The following CEP112 variants were observed in gnomAD, a reference collection of about 807,000 sequenced individuals.
CEP112 encodes centrosomal protein of 112 kDa.
In CEP112, 127 loss-of-function variants were observed where a neutral mutation model predicts 153.0. The ratio of observed to expected loss-of-function variants is 0.83; its 90% CI spans 0.72 to 0.96. CEP112 has a LOEUF of 0.96. CEP112 is among the 40% of genes least tolerant of loss of function. The probability of loss-of-function intolerance (pLI) is 0.00; values close to 1 mark genes in which losing one functional copy is unlikely to be tolerated. For synonymous variants in CEP112, 358 were observed against 374.4 expected, an observed-to-expected ratio of 0.96 and a Z score of 0.51; for missense variants, 1,089 against 1,101.2, an observed-to-expected ratio of 0.99 and a Z score of 0.16.
chr17:65,690,739 G>A (rs887617545), intron 23 of CEP112, among the ~76,000 whole-genome samples: 1 of 152,208 alleles, frequency 6.6e-6, no homozygotes, highest in Non-Finnish European at 1.5e-5. Flanking sequence ...GTATGTTTGT[G>A]GAAGCCATAA....
chr17:66,163,991 G>T lies in CEP112; in HGVS notation c.470+11053C>A, dbSNP rs545512619. ...ACTGGGGGAGAAAAAAGCCTAAATGGCCCAAGGACCATTATTTTCAAAGCT... is the reference window on the plus strand; with the variant it reads ...ACTGGGGGAGAAAAAAGCCTAAATGTCCCAAGGACCATTATTTTCAAAGCT... On this transcript the variant is annotated intron_variant, in intron 4 of 26. Transcript: ENST00000535342. Among the ~76,000 whole-genome samples the T allele has an allele frequency of 4.6e-5, 7 of 152,200 alleles. 1 individual carries two copies. The highest frequency in any genetic ancestry group is 4.6e-4 in the Admixed American group (7 of 15,278).
intron 12 of CEP112, among the ~76,000 whole-genome samples, chr17:66,035,475 T>C (rs1352933520): frequency 6.6e-6 from 1 of 152,104 alleles, no homozygotes; most frequent in Non-Finnish European, 1.5e-5. Flanking sequence ...GAGAAACTGG[T>C]ACCCTTGTGC....
At chr17:65,874,988 CTAAAATG>C (rs1291341807) in intron 20 of CEP112, among the ~76,000 whole-genome samples, 1 of 152,024 alleles carries the variant, frequency 6.6e-6, no homozygotes, top group Non-Finnish European at 1.5e-5. Context: ...CTTCTTAACC[CTAAAATG>C]TATATACCTT....
intron 12 of CEP112, among the ~76,000 whole-genome samples, chr17:66,032,566 T>C (rs935136299): frequency 6.6e-6 from 1 of 152,174 alleles, no homozygotes; most frequent in African/African-American, 2.4e-5. Flanking sequence ...CTTGAGTCAA[T>C]TCAGTCCCTG....
intron 23 of CEP112, among the ~76,000 whole-genome samples, chr17:65,732,262 T>G (rs570569163): frequency 6.6e-6 from 1 of 152,330 alleles, no homozygotes; most frequent in East Asian, 1.9e-4. Context: ...GGTGCATGGT[T>G]AATCAGCAGT....
chr17:65,829,332 C>T (rs2056981270), intron 21 of CEP112, among the ~76,000 whole-genome samples: 1 of 152,030 alleles, frequency 6.6e-6, no homozygotes, highest in African/African-American at 2.4e-5. Flanking sequence ...AAACCAGGCC[C>T]ATAGAGAATT....
At chr17:66,147,004 A>C (rs540355165) in intron 4 of CEP112, among the ~76,000 whole-genome samples, 2 of 152,162 alleles carry the variant, frequency 1.3e-5, no homozygotes, top group African/African-American at 4.8e-5. Flanking sequence ...CCCTGCTTTC[A>C]ATTCTTTTGG....
At chr17:65,777,190 T>C (rs117252600) in intron 21 of CEP112, among the ~76,000 whole-genome samples, 213 of 152,290 alleles carry the variant, frequency 1.4e-3, no homozygotes, top group Non-Finnish European at 1.9e-3. Context: ...CTCTGTCCAC[T>C]TCCCACTCCT....
At chr17:65,775,552 A>G (rs1232995703) in intron 21 of CEP112, among the ~76,000 whole-genome samples, 1 of 151,906 alleles carries the variant, frequency 6.6e-6, no homozygotes, top group African/African-American at 2.4e-5. Flanking sequence ...TCCAGGCTGG[A>G]GTGCAGCGGG....
At chr17:65,724,226 C>T (rs1352424374) in intron 23 of CEP112, among the ~76,000 whole-genome samples, 1 of 152,210 alleles carries the variant, frequency 6.6e-6, no homozygotes, top group Non-Finnish European at 1.5e-5. Context: ...CGGGAAATAA[C>T]AGCCTGGTCT....
chr17:65,966,562 C>G (rs568778453), intron 17 of CEP112, among the ~76,000 whole-genome samples: 1 of 152,200 alleles, frequency 6.6e-6, no homozygotes, highest in Non-Finnish European at 1.5e-5. Flanking sequence ...TGAAAAACAG[C>G]TAGAAGAGTC....
At chr17:65,677,169 A>G (rs1330222795) in intron 24 of CEP112, among the ~76,000 whole-genome samples, 3 of 152,222 alleles carry the variant, frequency 2.0e-5, no homozygotes, top group Admixed American at 2.0e-4. Flanking sequence ...TCACCATTTT[A>G]GAATAAACCT....
Position 65,817,120 on chromosome 17 carries a change from CAATAT to C in CEP112, c.2394+34679_2394+34683del, listed in dbSNP as rs969869694. On this transcript the variant is annotated intron_variant, in intron 21 of 26. Coordinates refer to ENST00000535342, the MANE Select transcript of CEP112 (RefSeq NM_001199165.4). Reference sequence around the variant, plus strand: ...TAAAAATATTTTGTGTGTGAACAAACAATATGAGTGATGATTTATATAGGTATATA... The same window carrying C: ...TAAAAATATTTTGTGTGTGAACAAACGAGTGATGATTTATATAGGTATATA... Among the ~76,000 whole-genome samples, 7 of 151,764 alleles carry C rather than the reference CAATAT, an allele frequency of 4.6e-5. No homozygotes were observed. In the South Asian group the frequency reaches 1.0e-3, roughly 22 times the overall value.
chr17:66,168,663 T>C (rs1039578792), intron 4 of CEP112, among the ~76,000 whole-genome samples: 3 of 152,128 alleles, frequency 2.0e-5, no homozygotes, highest in Admixed American at 6.5e-5. Context: ...TGCAGGCATA[T>C]AATAATCCTT....
chr17:65,999,362 C>T (rs762434021), intron 17 of CEP112, among the ~76,000 whole-genome samples: 5 of 151,918 alleles, frequency 3.3e-5, no homozygotes, highest in Admixed American at 1.3e-4. Context: ...CCACAGCACA[C>T]GGCTAATTTT....
intron 23 of CEP112, among the ~76,000 whole-genome samples, chr17:65,731,826 A>G (rs1161685148): frequency 2.0e-5 from 3 of 152,202 alleles, no homozygotes. Context: ...CTCTTCATTC[A>G]AGTTTGGTCA....
At chr17:65,910,110 CCA>C in intron 19 of CEP112, among the ~76,000 whole-genome samples, 1 of 152,168 alleles carries the variant, frequency 6.6e-6, no homozygotes, top group East Asian at 1.9e-4. Context: ...CAGAAAAACC[CCA>C]GTGTAAGACA....
chr17:66,064,479 A>C, intron 10 of CEP112, among the ~76,000 whole-genome samples: 1 of 152,296 alleles, frequency 6.6e-6, no homozygotes, highest in African/African-American at 2.4e-5. Flanking sequence ...AAATAAATTC[A>C]GCTCTATTTT....
At chr17:65,969,217 G>A (rs2062535993) in intron 17 of CEP112, among the ~76,000 whole-genome samples, 1 of 151,886 alleles carries the variant, frequency 6.6e-6, no homozygotes, top group Admixed American at 6.6e-5. Context: ...AAGTAGCTGG[G>A]ATTACAGGCA....
Sources: gnomAD v4.1 joint callset for allele counts (sites outside exome capture counted in the v4.1 genomes callset) on GRCh38, gnomAD v4.1.1 for gene constraint, MANE v1.5 for transcripts, NCBI Gene and HGNC (gene_info 2026-07-23, HGNC 2026-07-21) for gene names.